The following ZNF160 variants were observed in gnomAD, a reference collection of about 807,000 sequenced individuals.
ZNF160 encodes KRAB zinc finger protein KR18.
In ZNF160, 9 loss-of-function variants were observed where a neutral mutation model predicts 13.1. That is an observed-to-expected ratio of 0.69 (90% CI 0.41 to 1.20). The LOEUF is 1.20. Among genes scored for constraint, ZNF160 ranks in the 50% most tolerant of loss-of-function variants. ZNF160 has a pLI of 0.01. For synonymous variants in ZNF160, 293 were observed against 333.2 expected (o/e 0.88, Z 1.31); for missense variants, 838 against 988.0 (o/e 0.85, Z 2.04).
chr19:53,071,934 C>T (rs943862583), intron 5 of ZNF160, among the ~76,000 whole-genome samples: 5 of 151,936 alleles, frequency 3.3e-5, no homozygotes, highest in South Asian at 2.1e-4. Flanking sequence ...AATTAAGAAG[C>T]GGGAATTTTG....
chr19:53,079,972 T>G (rs978092659), intron 3 of ZNF160, among the ~76,000 whole-genome samples: 6 of 151,938 alleles, frequency 3.9e-5, no homozygotes, highest in Non-Finnish European at 7.4e-5. Context: ...AAGGAGGAAG[T>G]CAAATTATCT....
At chr19:53,087,000 G>A (rs1251589593) in intron 2 of ZNF160, among the ~76,000 whole-genome samples, 1 of 152,208 alleles carries the variant, frequency 6.6e-6, no homozygotes, top group African/African-American at 2.4e-5. Context: ...CCAGAGGTGG[G>A]GGTGAAGGTG....
intron 3 of ZNF160, among the ~76,000 whole-genome samples, chr19:53,079,779 A>G (rs1403309906): frequency 6.6e-6 from 1 of 151,980 alleles, no homozygotes; most frequent in African/African-American, 2.4e-5. Context: ...GGCGAGAGAA[A>G]CAGAAGGCAT....
At position 53,069,708 on chromosome 19, in the gene ZNF160, T is replaced by C; in HGVS notation, c.826A>G (p.Arg276Gly). 1 of 1,614,222 alleles carries C rather than the reference T, an allele frequency of 6.2e-7. No individual in the cohort carries two copies. The highest frequency in any genetic ancestry group is 1.6e-4 in the Middle Eastern group (1 of 6,062). Residue 276 changes from arginine (R) to glycine (G), a missense_variant, in exon 6 of 6, where the codon AGG (arginine) becomes GGG (glycine). Physicochemically the swap from Arg to Gly is moderately radical, Grantham distance 125. This residue lies in a region of ZNF160 where 387 missense variants were observed against 402.3 expected (regional missense o/e 0.96). Transcript: ENST00000683776. The surrounding 1 kb of genome is among the most constrained non-coding windows in gnomAD (Gnocchi z 4.4). ...GGCTTCTCTCCACTATGAATTCTCC[T>C]ATGACTTGTAAGGTTCGAATTCTGA... The part of the protein sequence containing the change: ...FTQNSNLTSH[R>G]RIHSGEKPYK...
intron 5 of ZNF160, 59 bp from the exon 6 acceptor site, chr19:53,070,321 T>C (rs2084121691): frequency 7.0e-7 from 1 of 1,421,444 alleles, no homozygotes. Context: ...AATAAATATT[T>C]TACATTGAAA....
Position 53,066,722 on chromosome 19 carries a change from G to T in ZNF160, c.*1355C>A, listed in dbSNP as rs540733450. 1 of 152,268 alleles carries T rather than the reference G, an allele frequency of 6.6e-6. No individual in the cohort carries two copies. The highest frequency in any genetic ancestry group is 1.5e-5 in the Non-Finnish European group (1 of 68,018). The allele number at this position is 152,268 out of a possible 1,614,324, so 9.4% of individuals were successfully genotyped here. A position where few individuals can be genotyped will look rare whatever the true frequency, so the allele number is the denominator to read the frequency against. On this transcript the variant is annotated 3_prime_UTR_variant, in exon 6 of 6. Transcript: ENST00000683776. ...AGCAGATAATGTGAGTTCTACTAAA[G>T]AATATGTTACTCTACTTCTGTTGAT...
chr19:53,070,060 G>A lies in ZNF160; in HGVS notation c.474C>T (p.Ala158=), dbSNP rs2084109925. Reference sequence around the variant, plus strand: ...GTTGATCTCTTTTACCTTCTTTCTGGGCCATAAGCACTCCCTTGTAATTTC... The same window carrying A: ...GTTGATCTCTTTTACCTTCTTTCTGAGCCATAAGCACTCCCTTGTAATTTC... ...DTGNYKGVLM[A]QKEGKRDQRD... Residue 158 remains alanine, a synonymous_variant, in exon 6 of 6, where the codon GCC becomes GCT. Transcript: ENST00000683776. 6.2e-7 allele frequency: 1 copy of A among 1,613,800 alleles called. No homozygotes were observed. The highest frequency in any genetic ancestry group is 8.5e-7 in the Non-Finnish European group (1 of 1,179,936).
intron 2 of ZNF160, among the ~76,000 whole-genome samples, chr19:53,090,754 C>T (rs923642365): frequency 1.2e-4 from 19 of 152,080 alleles, no homozygotes; most frequent in South Asian, 8.3e-4. Context: ...AGGACCAGGG[C>T]GAGGACTCTC....
At position 53,087,175 on chromosome 19, in the gene ZNF160, A is replaced by T. The variant is rs576910689; in HGVS notation, c.-45-854T>A. On this transcript the variant is annotated intron_variant, in intron 2 of 5. Coordinates refer to ENST00000683776, the MANE Select transcript of ZNF160 (RefSeq NM_001322131.2). ...GCCCACATGGAAGCCTTGAGGCAGG[A>T]GCAACCTTGGCTCCAGGAAAAGGAA... 1.7e-3 allele frequency among the ~76,000 whole-genome samples: 260 copies of T among 152,322 alleles called. 1 individual carries two copies. Among genetic ancestry groups the T allele is most frequent in the African/African-American group, 6.1e-3 (252 of 41,582 alleles).
chr19:53,073,030 T>A, intron 5 of ZNF160: 1 of 590,712 alleles, frequency 1.7e-6, no homozygotes, highest in Non-Finnish European at 2.3e-6. Context: ...AGGTATACAA[T>A]ATGGACTGAT....
chr19:53,073,176 A>G (rs959231192), intron 5 of ZNF160: 415 of 1,404,412 alleles, frequency 3.0e-4, no homozygotes, highest in Non-Finnish European at 3.8e-4. Context: ...CTTTGCTGCT[A>G]TTAGTTTTAT....
At position 53,074,149 on chromosome 19, in the gene ZNF160, C is replaced by A. The variant is rs764326116; in HGVS notation, c.262G>T (p.Val88Leu). The change falls in exon 5 of 6, where the codon GTG becomes TTG. Residue 88 changes from valine to leucine, a missense_variant. Physicochemically the swap from Val to Leu is conservative, Grantham distance 32. This residue lies in a region of ZNF160 where 387 missense variants were observed against 402.3 expected (regional missense o/e 0.96). Transcript: ENST00000683776. ...KPRTPECVKG[V>L]VTDIPPKCTI... ...CCATCTGAGCTCTTACCTGTGACCACGCCTTTGACACATTCCGGCGTTCTT... is the reference window on the plus strand; with the variant it reads ...CCATCTGAGCTCTTACCTGTGACCAAGCCTTTGACACATTCCGGCGTTCTT... The A allele has an allele frequency of 2.5e-6, 4 of 1,613,966 alleles. No individual in the cohort carries two copies. Among genetic ancestry groups the A allele is most frequent in the Middle Eastern group, 1.6e-4 (1 of 6,062 alleles).
At chr19:53,072,405 G>T (rs79235731) in intron 5 of ZNF160, among the ~76,000 whole-genome samples, 11,247 of 152,236 alleles carry the variant, frequency 0.074, 443 homozygotes, top group Middle Eastern at 0.18. Flanking sequence ...TGGCCTGACA[G>T]TTATATTTCA....
chr19:53,085,187 A>G (rs1293216683), intron 3 of ZNF160: 18 of 985,394 alleles, frequency 1.8e-5, no homozygotes, highest in Non-Finnish European at 2.2e-5. Context: ...AGCATGCTCC[A>G]ACAAGGATGT....
chr19:53,092,600 T>C (rs1214729674), intron 1 of ZNF160, among the ~76,000 whole-genome samples: 1 of 152,168 alleles, frequency 6.6e-6, no homozygotes, highest in East Asian at 1.9e-4. Flanking sequence ...AGGCGTGAGC[T>C]ACCATGCTGG....
chr19:53,072,408 A>G (rs764634405), intron 5 of ZNF160, among the ~76,000 whole-genome samples: 7 of 152,218 alleles, frequency 4.6e-5, no homozygotes, highest in Non-Finnish European at 8.8e-5. Flanking sequence ...CCTGACAGTT[A>G]TATTTCACAA....
chr19:53,069,254 C>A lies in ZNF160; in HGVS notation c.1280G>T (p.Cys427Phe). ...CCTAAAGACTTTGCCACATTCATTA[C>A]ATTTGTAAGGTTTTTCTCCAGTGTG... ...TIHTGEKPYK[C>F]NECGKVFRYN... The change falls in exon 6 of 6, where the codon TGT becomes TTT. Residue 427 changes from cysteine (C) to phenylalanine (F), a missense_variant. Around this residue, in one of 3 missense-constraint regions of ZNF160, gnomAD observed 400 missense variants for 538.9 expected, o/e 0.74. Coordinates refer to ENST00000683776, the MANE Select transcript of ZNF160 (RefSeq NM_001322131.2). The surrounding 1 kb of genome is among the most constrained non-coding windows in gnomAD (Gnocchi z 4.4). 6.2e-7 allele frequency: 1 copy of A among 1,612,322 alleles called. No homozygotes were observed. Among genetic ancestry groups the A allele is most frequent in the East Asian group, 2.2e-5 (1 of 44,844 alleles).
At chr19:53,101,625 T>C (rs1385034475) in intron 1 of ZNF160, among the ~76,000 whole-genome samples, 3 of 152,112 alleles carry the variant, frequency 2.0e-5, no homozygotes, top group Non-Finnish European at 4.4e-5. Flanking sequence ...GCATGAACTG[T>C]GAGATGAAAG....
At chr19:53,086,539 C>A (rs990982473) in intron 2 of ZNF160, among the ~76,000 whole-genome samples, 2 of 151,858 alleles carry the variant, frequency 1.3e-5, no homozygotes, top group African/African-American at 2.4e-5. Context: ...TTCTTCAGAA[C>A]CCACCTTCCT....
Sources: allele counts gnomAD v4.1 joint callset (sites outside exome capture counted in the v4.1 genomes callset), GRCh38; gene constraint gnomAD v4.1.1; regional missense constraint gnomAD v4.1.1; non-coding constraint Gnocchi (gnomAD v3.1); transcripts MANE v1.5; gene names NCBI Gene and HGNC (gene_info 2026-07-23, HGNC 2026-07-21).